IPCEF1: variants seen among roughly 807,000 people sequenced by gnomAD.
IPCEF1 encodes the protein interactor protein for cytohesin exchange factors 1.
Under a neutral mutation model 50.9 loss-of-function variants are expected in IPCEF1, and 31 were observed. The observed-to-expected ratio is 0.61, with a 90% CI of 0.46 to 0.82. IPCEF1 has a LOEUF of 0.82. Among genes scored for constraint, IPCEF1 ranks in the 40% least tolerant of loss-of-function variants. The pLI is 0.00. For synonymous variants in IPCEF1, 181 were observed against 192.0 expected (o/e 0.94, Z 0.47); for missense variants, 458 against 514.0 (o/e 0.89, Z 1.05).
chr6:154,168,848 C>T lies in IPCEF1; in HGVS notation c.911-735G>A, dbSNP rs530967463. The stretch of plus-strand genomic sequence containing the variant: ...CTTGAACTCCTGACTTTGGGTGATC[C>T]GCCCACCTTGGCCTCCCAAAGTGCT... On this transcript the variant is annotated intron_variant, in intron 10 of 11. Coordinates refer to ENST00000367220, the MANE Select transcript of IPCEF1 (RefSeq NM_001130700.2). The surrounding 1 kb of genome is among the most constrained non-coding windows in gnomAD (Gnocchi z 4.1). Among the ~76,000 whole-genome samples, 16 of 128,218 alleles carry T rather than the reference C, an allele frequency of 1.2e-4. No individual in the cohort carries two copies. The South Asian group carries it at 1.3e-3, about 10-fold the overall frequency. 84.1% of individuals were successfully genotyped at this position (128,218 alleles called of 152,430 possible).
chr6:154,190,720 C>T (rs1483607496), intron 10 of IPCEF1, among the ~76,000 whole-genome samples: 2 of 152,186 alleles, frequency 1.3e-5, no homozygotes, highest in African/African-American at 4.8e-5. Flanking sequence ...ATGTTGCTAG[C>T]AGGGTTATTC....
At chr6:154,214,502 C>CA (rs1179467489) in intron 7 of IPCEF1, among the ~76,000 whole-genome samples, 1 of 152,164 alleles carries the variant, frequency 6.6e-6, no homozygotes, top group East Asian at 1.9e-4. Flanking sequence ...GCCCATTACT[C>CA]AGTTGGTTCA....
intron 11 of IPCEF1, among the ~76,000 whole-genome samples, chr6:154,163,353 A>G (rs1379757978): frequency 2.0e-5 from 3 of 152,156 alleles, no homozygotes; most frequent in Non-Finnish European, 4.4e-5. Flanking sequence ...GCCTCAGAGA[A>G]CCTCAAGCCT....
intron 1 of IPCEF1, among the ~76,000 whole-genome samples, chr6:154,325,268 AAACTATATATTAATAT>A (rs1220588740): frequency 6.6e-6 from 1 of 152,214 alleles, no homozygotes; most frequent in Non-Finnish European, 1.5e-5. Flanking sequence ...TAGTGTATAA[AAACTATATATTAATAT>A]ATATGCATAT....
In IPCEF1 at chr6:154,273,186, GC is replaced by G. The variant is rs545107147; in HGVS notation, c.-17-7223del. ...TTTATCCTTTAAAATTATAATGCTG[GC>G]ATTCAGCAAGACATTATCACAGCAG... On this transcript the variant is annotated intron_variant, in intron 2 of 11. Coordinates refer to ENST00000367220, the MANE Select transcript of IPCEF1 (RefSeq NM_001130700.2). Among the ~76,000 whole-genome samples, 47 of 152,220 alleles carry G rather than the reference GC, an allele frequency of 3.1e-4. No homozygotes were observed. The South Asian group carries it at 9.1e-3, about 30-fold the overall frequency.
chr6:154,342,434 A>T lies in IPCEF1; in HGVS notation c.-62+14238T>A, dbSNP rs2333857. ...TAACCATTCCTCTTACTACCTACTC[A>T]CCCCTCTCCCTACATGCCTTCCCCC... is the stretch of plus-strand genomic sequence containing the variant. On this transcript the variant is annotated intron_variant, in intron 1 of 11. Transcript: ENST00000367220. Among the ~76,000 whole-genome samples the T allele has an allele frequency of 4.0e-5, 6 of 151,752 alleles. No individual in the cohort carries two copies. In the East Asian group the frequency reaches 9.7e-4, roughly 24 times the overall value.
At chr6:154,237,252 A>C (rs1414308808) in intron 5 of IPCEF1, among the ~76,000 whole-genome samples, 1 of 152,232 alleles carries the variant, frequency 6.6e-6, no homozygotes, top group Non-Finnish European at 1.5e-5. Context: ...AAATGTGCCC[A>C]CACCCTCACC....
chr6:154,261,894 A>G (rs575232419), intron 3 of IPCEF1, among the ~76,000 whole-genome samples: 1 of 152,316 alleles, frequency 6.6e-6, no homozygotes, highest in Admixed American at 6.5e-5. Flanking sequence ...ATATAACTCA[A>G]TAAGTGTTAG....
intron 10 of IPCEF1, among the ~76,000 whole-genome samples, chr6:154,190,400 G>C (rs9478515): frequency 0.09 from 13,624 of 152,102 alleles, 893 homozygotes; most frequent in African/African-American, 0.18. Flanking sequence ...GCAAAAAAGC[G>C]TATGAAAAGA....
At position 154,158,950 on chromosome 6, in the gene IPCEF1, T is replaced by A. The variant is rs1298425846; in HGVS notation, c.*878A>T. 6.6e-6 allele frequency: 1 copy of A among 152,198 alleles called. No homozygotes were observed. Among genetic ancestry groups the A allele is most frequent in the African/African-American group, 2.4e-5 (1 of 41,458 alleles). The allele number at this position is 152,198 out of a possible 1,614,324, so 9.4% of individuals were successfully genotyped here. ...AGTAAAGATATTAAAACAATTCAGA[T>A]GCCAAAGTCGTCTTGTCAATATTGA... On this transcript the variant is annotated 3_prime_UTR_variant, in exon 12 of 12. Coordinates refer to ENST00000367220, the MANE Select transcript of IPCEF1 (RefSeq NM_001130700.2).
Position 154,221,340 on chromosome 6 carries a change from A to T in IPCEF1, c.321-12T>A. ...TGATCTTAAAAGCACTTGAAGGAGG[A>T]AAAGCACAAACACATAAAAAATTAG... On this transcript the variant is annotated splice_polypyrimidine_tract_variant and intron_variant, in intron 6 of 11. Transcript: ENST00000367220. The T allele has an allele frequency of 6.2e-7, 1 of 1,611,462 alleles. No homozygotes were observed. Among genetic ancestry groups the T allele is most frequent in the Non-Finnish European group, 8.5e-7 (1 of 1,178,024 alleles).
Position 154,263,572 on chromosome 6 carries a change from A to T in IPCEF1, c.36+2340T>A, listed in dbSNP as rs572516597. 3.3e-5 allele frequency among the ~76,000 whole-genome samples: 3 copies of T among 90,278 alleles called. No homozygotes were observed. The South Asian group carries it at 1.2e-3, about 36-fold the overall frequency. The allele number at this position is 90,278 out of a possible 152,430, so 59.2% of individuals were successfully genotyped here. A position where few individuals can be genotyped will look rare whatever the true frequency, so the allele number is the denominator to read the frequency against. On this transcript the variant is annotated intron_variant, in intron 3 of 11. Transcript: ENST00000367220. Reference sequence around the variant, plus strand: ...AGCACAGGGTTGGGGGTAAGGTCACAGATCAGCAGGATCCCAAGGCAGAAG... The same window carrying T: ...AGCACAGGGTTGGGGGTAAGGTCACTGATCAGCAGGATCCCAAGGCAGAAG...
chr6:154,175,239 A>G, intron 10 of IPCEF1, among the ~76,000 whole-genome samples: 1 of 152,194 alleles, frequency 6.6e-6, no homozygotes, highest in Non-Finnish European at 1.5e-5. Context: ...TAAAATTGAC[A>G]CCCTAACATC....
intron 10 of IPCEF1, among the ~76,000 whole-genome samples, chr6:154,192,916 T>C (rs1310084591): frequency 2.0e-5 from 3 of 152,146 alleles, no homozygotes; most frequent in Non-Finnish European, 4.4e-5. Flanking sequence ...ACACTGCTGG[T>C]GGGAATGTAA....
intron 9 of IPCEF1, among the ~76,000 whole-genome samples, chr6:154,210,411 A>G (rs1777871082): frequency 6.6e-6 from 1 of 152,218 alleles, no homozygotes; most frequent in African/African-American, 2.4e-5. Flanking sequence ...TAGGAGAGAG[A>G]CACAGAAGCA....
chr6:154,189,681 A>G (rs532308412), intron 10 of IPCEF1, among the ~76,000 whole-genome samples: 59 of 152,274 alleles, frequency 3.9e-4, no homozygotes, highest in African/African-American at 1.3e-3. Flanking sequence ...TTGAAACATC[A>G]CACCGGGCCA....
intron 1 of IPCEF1, among the ~76,000 whole-genome samples, chr6:154,350,488 G>C (rs977685633): frequency 1.3e-5 from 2 of 152,196 alleles, no homozygotes; most frequent in African/African-American, 4.8e-5. Context: ...TGACTCTACT[G>C]TTTGAGGCCC....
At position 154,274,203 on chromosome 6, in the gene IPCEF1, C is replaced by G. The variant is rs181995206; in HGVS notation, c.-17-8239G>C. ...CTCATTTCGTTGCATTTCTTTCCTG[C>G]CTTCTCTCCACTTTGATGATGAATT... is the stretch of plus-strand genomic sequence containing the variant. On this transcript the variant is annotated intron_variant, in intron 2 of 11. Coordinates refer to ENST00000367220, the MANE Select transcript of IPCEF1 (RefSeq NM_001130700.2). Among the ~76,000 whole-genome samples the G allele has an allele frequency of 8.2e-3, 1,244 of 151,592 alleles. 8 individuals are homozygous for G. Among genetic ancestry groups the G allele is most frequent in the Non-Finnish European group, 0.014 (921 of 68,006 alleles).
At chr6:154,306,247 T>C (rs756791826) in intron 1 of IPCEF1, among the ~76,000 whole-genome samples, 4 of 152,184 alleles carry the variant, frequency 2.6e-5, no homozygotes, top group African/African-American at 9.7e-5. Context: ...ACCCCCTACC[T>C]TGTCTTCTCA....
Sources: allele counts gnomAD v4.1 joint callset (sites outside exome capture counted in the v4.1 genomes callset), GRCh38; gene constraint gnomAD v4.1.1; non-coding constraint Gnocchi (gnomAD v3.1); transcripts MANE v1.5; gene names NCBI Gene and HGNC (gene_info 2026-07-23, HGNC 2026-07-21).